ENOX1: variants seen among roughly 807,000 people sequenced by gnomAD.
ENOX1 encodes candidate growth-related and time keeping constitutive hydroquinone (NADH) oxidase.
A neutral mutation model predicts 82.5 loss-of-function variants in ENOX1; 42 were observed. The ratio of observed to expected loss-of-function variants is 0.51; its 90% confidence interval spans 0.40 to 0.66. The LOEUF (loss-of-function observed/expected upper bound fraction) is 0.66. Among genes scored for constraint, ENOX1 ranks in the 30% least tolerant of loss-of-function variants. The pLI is 0.00. For synonymous variants in ENOX1, 271 were observed against 282.2 expected, an observed-to-expected ratio of 0.96 and a Z score of 0.40; for missense variants, 608 against 811.6, an observed-to-expected ratio of 0.75 and a Z score of 3.05.
chr13:43,693,443 A>G (rs1390255043), intron 1 of ENOX1, among the ~76,000 whole-genome samples: 1 of 152,198 alleles, frequency 6.6e-6, no homozygotes. Context: ...TGACAAATCC[A>G]ATTAACAAAA....
intron 3 of ENOX1, among the ~76,000 whole-genome samples, chr13:43,417,486 G>T (rs1045015806): frequency 6.6e-6 from 1 of 152,192 alleles, no homozygotes; most frequent in Non-Finnish European, 1.5e-5. Context: ...ATAGTTGCAA[G>T]AATGATTTTG....
At chr13:43,766,941 G>A (rs79196496) in intron 1 of ENOX1, among the ~76,000 whole-genome samples, 1,956 of 140,406 alleles carry the variant, frequency 0.014, 39 homozygotes, top group African/African-American at 0.048. Flanking sequence ...CTCTCATGGT[G>A]CCAAAATGAA....
intron 8 of ENOX1, among the ~76,000 whole-genome samples, chr13:43,348,350 A>C (rs1217937635): frequency 6.6e-6 from 1 of 152,206 alleles, no homozygotes; most frequent in African/African-American, 2.4e-5. Context: ...AAAATTTCCA[A>C]AGACATATTT....
In ENOX1 at chr13:43,344,524, A is replaced by C; in HGVS notation, c.1036+14T>G. ...AATCACAACAAAAGAGATGGCCCCC[A>C]AAATTTTACTTACATTGAGTGAGAA... On this transcript the variant is annotated intron_variant, in intron 9 of 16. Transcript: ENST00000690772. 6.2e-7 allele frequency: 1 copy of C among 1,603,856 alleles called. No individual in the cohort carries two copies. The highest frequency in any genetic ancestry group is 8.5e-7 in the Non-Finnish European group (1 of 1,175,180).
chr13:43,533,412 T>C (rs2078317134), intron 2 of ENOX1, among the ~76,000 whole-genome samples: 2 of 152,140 alleles, frequency 1.3e-5, no homozygotes. Context: ...AAATCGAGTA[T>C]TTTCCTTTAG....
chr13:43,553,582 A>G (rs1341419484), intron 2 of ENOX1, among the ~76,000 whole-genome samples: 1 of 152,208 alleles, frequency 6.6e-6, no homozygotes, highest in African/African-American at 2.4e-5. Flanking sequence ...TCCTGCAGAT[A>G]ATGACAAGTA....
chr13:43,393,506 T>C (rs1287405534), intron 5 of ENOX1, among the ~76,000 whole-genome samples: 3 of 152,080 alleles, frequency 2.0e-5, no homozygotes, highest in African/African-American at 7.2e-5. Flanking sequence ...AAAATATAGT[T>C]CTTCCCATTA....
chr13:43,752,652 A>G (rs185361734), intron 1 of ENOX1, among the ~76,000 whole-genome samples: 2 of 152,110 alleles, frequency 1.3e-5, no homozygotes, highest in Non-Finnish European at 2.9e-5. Context: ...AATTGCCCCC[A>G]TGCCTTGGTC....
chr13:43,326,612 G>T, intron 9 of ENOX1, 87 bp from the exon 10 acceptor site: 1 of 1,019,772 alleles, frequency 9.8e-7, no homozygotes, highest in Non-Finnish European at 1.6e-6. Flanking sequence ...AGGAGTCTAT[G>T]GATGATGTCA....
At chr13:43,429,299 T>C (rs986594405) in intron 3 of ENOX1, among the ~76,000 whole-genome samples, 5 of 152,208 alleles carry the variant, frequency 3.3e-5, no homozygotes, top group Non-Finnish European at 7.3e-5. Context: ...TCCCTTTAGA[T>C]AGGCCCTCTG....
intron 9 of ENOX1, among the ~76,000 whole-genome samples, chr13:43,337,427 T>C (rs984452347): frequency 2.6e-5 from 4 of 152,126 alleles, no homozygotes; most frequent in Non-Finnish European, 4.4e-5. Context: ...CTCAAGTAGA[T>C]AGTATTAACA....
intron 14 of ENOX1, among the ~76,000 whole-genome samples, chr13:43,247,852 TATATATATA>T (rs2043180858): frequency 3.5e-4 from 1 of 2,828 alleles, no homozygotes; most frequent in Non-Finnish European, 2.1e-3. Context: ...TATATATATA[TATATATATA>T]TATATATATA....
At chr13:43,495,260 C>T (rs1223871821) in intron 2 of ENOX1, among the ~76,000 whole-genome samples, 1 of 151,980 alleles carries the variant, frequency 6.6e-6, no homozygotes, top group Non-Finnish European at 1.5e-5. Context: ...ATAAATATAC[C>T]TTCCCAAGTA....
At chr13:43,435,889 C>G (rs191601395) in intron 3 of ENOX1, among the ~76,000 whole-genome samples, 92 of 148,732 alleles carry the variant, frequency 6.2e-4, no homozygotes, top group African/African-American at 2.0e-3. Context: ...ATCAAGAAAA[C>G]ACCATGAATG....
chr13:43,359,718 G>T, intron 7 of ENOX1, 133 bp downstream of exon 7: 1 of 807,830 alleles, frequency 1.2e-6, no homozygotes, highest in Non-Finnish European at 2.0e-6. Context: ...CAAGGAAGAA[G>T]GCAGAATTCC....
chr13:43,495,200 A>G (rs2076751153), intron 2 of ENOX1, among the ~76,000 whole-genome samples: 1 of 152,190 alleles, frequency 6.6e-6, no homozygotes, highest in Non-Finnish European at 1.5e-5. Flanking sequence ...CAGCGAGTAT[A>G]ATATATGGTA....
Position 43,573,842 on chromosome 13 carries a change from C to T in ENOX1, c.-218-89690G>A, listed in dbSNP as rs571624803. ...GCTGCTGATAAAAGTTTGAGGAGTT[C>T]ACAGACTTATGGGAAAAGTGAGATA... is the stretch of plus-strand genomic sequence containing the variant. On this transcript the variant is annotated intron_variant, in intron 2 of 16. Coordinates refer to ENST00000690772, the MANE Select transcript of ENOX1 (RefSeq NM_001347969.2). Among the ~76,000 whole-genome samples, 17 of 152,214 alleles carry T rather than the reference C, an allele frequency of 1.1e-4. No individual in the cohort carries two copies. In the South Asian group the frequency reaches 2.5e-3, roughly 22 times the overall value.
intron 2 of ENOX1, among the ~76,000 whole-genome samples, chr13:43,529,483 A>G (rs1263057015): frequency 2.6e-5 from 4 of 152,140 alleles, no homozygotes; most frequent in Non-Finnish European, 5.9e-5. Flanking sequence ...TGAGGTTGCT[A>G]AGATCTATGC....
intron 2 of ENOX1, among the ~76,000 whole-genome samples, chr13:43,580,831 G>C (rs1179650200): frequency 6.6e-6 from 1 of 152,142 alleles, no homozygotes; most frequent in African/African-American, 2.4e-5. Flanking sequence ...TGAGTCTTTA[G>C]AAGTTTATTT....
Sources: gnomAD v4.1 joint callset for allele counts (sites outside exome capture counted in the v4.1 genomes callset) on GRCh38, gnomAD v4.1.1 for gene constraint, MANE v1.5 for transcripts, NCBI Gene and HGNC (gene_info 2026-07-23, HGNC 2026-07-21) for gene names.